NSF: variants seen among roughly 807,000 people sequenced by gnomAD.
The protein encoded by NSF is N-ethylmaleimide sensitive factor, vesicle fusing ATPase.
NSF carries 14 observed loss-of-function variants against 50.3 expected under a neutral mutation model. The observed-to-expected ratio is 0.28, with a 90% CI of 0.18 to 0.44. The LOEUF (loss-of-function observed/expected upper bound fraction) is 0.44. NSF is among the 20% of genes least tolerant of loss of function. The pLI is 1.00. For missense variants in NSF, 218 were observed against 504.3 expected (o/e 0.43, Z 5.44); for synonymous variants, 109 against 175.7 (o/e 0.62, Z 3.00).
intron 17 of NSF, among the ~76,000 whole-genome samples, chr17:46,747,802 G>C (rs1328084830): frequency 6.6e-6 from 1 of 152,118 alleles, no homozygotes; most frequent in African/African-American, 2.4e-5. Context: ...CCAACTAAGA[G>C]GTTCCCAGTG....
intron 18 of NSF, among the ~76,000 whole-genome samples, chr17:46,751,183 A>G (rs1476566163): frequency 6.6e-6 from 1 of 152,210 alleles, no homozygotes; most frequent in Non-Finnish European, 1.5e-5. Context: ...TTTGACACAT[A>G]CAGATTGTTC....
chr17:46,751,399 A>C, intron 18 of NSF, 104 bp from the exon 19 acceptor site: 1 of 781,730 alleles, frequency 1.3e-6, no homozygotes, highest in Non-Finnish European at 2.1e-6. Context: ...CAACTTGAAC[A>C]GTTAGGTAGT....
chr17:46,635,838 T>A (rs1247142607), intron 4 of NSF, among the ~76,000 whole-genome samples: 1 of 133,828 alleles, frequency 7.5e-6, no homozygotes, highest in Non-Finnish European at 1.7e-5. Flanking sequence ...TGAAGCCTTA[T>A]TGAAGAGTAG....
chr17:46,744,319 T>G (rs2059107025), intron 17 of NSF, among the ~76,000 whole-genome samples: 1 of 152,242 alleles, frequency 6.6e-6, no homozygotes, highest in African/African-American at 2.4e-5. Context: ...CTTAATATTC[T>G]GAAATATTTC....
intron 4 of NSF, among the ~76,000 whole-genome samples, chr17:46,631,084 A>ACACACACACACACACACACG (rs1568018522): frequency 1.0e-4 from 15 of 145,658 alleles, no homozygotes; most frequent in East Asian, 9.9e-4. Context: ...ACACACACAC[A>ACACACACACACACACACACG]CACACACACA....
chr17:46,657,298 T>C (rs1264195775), intron 8 of NSF, among the ~76,000 whole-genome samples: 1 of 143,438 alleles, frequency 7.0e-6, no homozygotes, highest in African/African-American at 2.5e-5. Flanking sequence ...AAAAGTCAAA[T>C]GTTAAGGAGA....
chr17:46,749,961 A>C (rs761010454), intron 18 of NSF, 54 bp downstream of exon 18: 97 of 1,578,386 alleles, frequency 6.1e-5, no homozygotes, highest in Non-Finnish European at 7.7e-5. Flanking sequence ...ATTGAGGCTG[A>C]AATAAGTAGT....
At chr17:46,733,743 G>A (rs575144394) in intron 17 of NSF, among the ~76,000 whole-genome samples, 121 of 152,286 alleles carry the variant, frequency 7.9e-4, no homozygotes, top group Non-Finnish European at 1.4e-3. Context: ...TCAACGATTG[G>A]AAAACTCTTT....
At chr17:46,606,074 G>A (rs1159885873) in intron 1 of NSF, among the ~76,000 whole-genome samples, 1 of 95,502 alleles carries the variant, frequency 1.0e-5, no homozygotes, top group Admixed American at 1.1e-4. Context: ...AGCTACTCAG[G>A]AGGCTGAGGT....
rs77162940 is a variant in NSF, at chr17:46,750,119, G to A, written c.2043+212G>A. On this transcript the variant is annotated intron_variant, in intron 18 of 20. Transcript: ENST00000398238. ...TGTAATCCCAGCACTTTGGGAGGAC[G>A]GGGCAGGTGGATCACTTGAGGTCAG... Among the ~76,000 whole-genome samples, 8,929 of 152,248 alleles carry A rather than the reference G, an allele frequency of 0.059. 1,410 individuals are homozygous for A. The East Asian group carries it at 0.6, about 10-fold the overall frequency.
At chr17:46,724,314 G>T (rs1157274644) in intron 15 of NSF, among the ~76,000 whole-genome samples, 1 of 152,116 alleles carries the variant, frequency 6.6e-6, no homozygotes, top group African/African-American at 2.4e-5. Flanking sequence ...ACACAACAAA[G>T]TTTATTTTTT....
chr17:46,718,446 G>T (rs2058796246), intron 15 of NSF, among the ~76,000 whole-genome samples: 1 of 152,130 alleles, frequency 6.6e-6, no homozygotes, highest in African/African-American at 2.4e-5. Flanking sequence ...ACCCTTATTT[G>T]ATCGTTACAT....
rs1411734618 is a variant in NSF at position 46,728,846 on chromosome 17, C to A, written c.1829-9C>A. The A allele has an allele frequency of 2.9e-5, 45 of 1,577,866 alleles. 1 individual carries two copies. In the Admixed American group the frequency reaches 7.7e-4, roughly 27 times the overall value. On this transcript the variant is annotated splice_polypyrimidine_tract_variant and intron_variant, in intron 16 of 20. Transcript: ENST00000398238. ...CAAATCCCTAAACATAATAATGTTT[C>A]TTTTCCAGATTACGTCCCTATTGGC...
Position 46,714,000 on chromosome 17 carries a change from A to G in NSF, c.1761+14A>G. ...GCCATGAAGAAGGTATCAAGATTTT[A>G]CTTTCATTTTAATTTCCTATCTCTT... On this transcript the variant is annotated intron_variant, in intron 15 of 20. Coordinates refer to ENST00000398238, the MANE Select transcript of NSF (RefSeq NM_006178.4). The G allele has an allele frequency of 6.3e-7, 1 of 1,595,960 alleles. No homozygotes were observed.
rs1175883568 is a variant in NSF, at chr17:46,675,600, GCATACATACATATT to G, written c.945+992_945+1005del. ...CTGACATATATATGTGGGTGTATAT[GCATACATACATATT>G]CATAGAGATTTATCATAAGGAAAAC... On this transcript the variant is annotated intron_variant, in intron 9 of 20. Transcript: ENST00000398238. 7.2e-3 allele frequency among the ~76,000 whole-genome samples: 949 copies of G among 131,746 alleles called. 137 individuals are homozygous for G. The highest frequency in any genetic ancestry group is 0.028 in the African/African-American group (897 of 32,118). 86.4% of individuals were successfully genotyped at this position (131,746 alleles called of 152,430 possible).
chr17:46,708,280 C>T (rs187803857), intron 13 of NSF, among the ~76,000 whole-genome samples: 137 of 152,220 alleles, frequency 9.0e-4, no homozygotes, highest in African/African-American at 3.1e-3. Context: ...CCGTTTTCCA[C>T]GGTGGCTGCA....
At chr17:46,688,561 A>G (rs1568031665) in intron 9 of NSF, among the ~76,000 whole-genome samples, 1 of 62,886 alleles carries the variant, frequency 1.6e-5, no homozygotes, top group Non-Finnish European at 2.9e-5. Context: ...CCCCCTCATA[A>G]GAATGATTCT....
rs570603777 is a variant in NSF at position 46,721,658 on chromosome 17, A to G, written c.1762-4891A>G. 358 of 1,602,520 alleles carry G rather than the reference A, an allele frequency of 2.2e-4. 1 individual carries two copies. In the African/African-American group the frequency reaches 3.9e-3, roughly 18 times the overall value. ...CTTATAGACACCAGAAAAAGTTTCA[A>G]CCTTGTGTTCCACATTGTTCTGCTG... On this transcript the variant is annotated intron_variant, in intron 15 of 20. Transcript: ENST00000398238.
chr17:46,728,029 G>C (rs773008260), intron 16 of NSF, among the ~76,000 whole-genome samples: 12 of 151,620 alleles, frequency 7.9e-5, no homozygotes, highest in Non-Finnish European at 1.5e-4. Flanking sequence ...CCCTCCCACT[G>C]TTCTCATCAG....
Sources: allele counts gnomAD v4.1 joint callset (sites outside exome capture counted in the v4.1 genomes callset), GRCh38; gene constraint gnomAD v4.1.1; transcripts MANE v1.5; gene names NCBI Gene and HGNC (gene_info 2026-07-23, HGNC 2026-07-21).